The following GSTA4 variants were observed in gnomAD, a reference collection of about 807,000 sequenced individuals.
GSTA4 encodes glutathione S-transferase A4.
A neutral mutation model predicts 24.4 loss-of-function variants in GSTA4; 15 were observed. The observed-to-expected ratio is 0.61, with a 90% CI of 0.41 to 0.95. The LOEUF (loss-of-function observed/expected upper bound fraction) is 0.95, where lower values mean the gene tolerates loss of function less well. Ranked by LOEUF, GSTA4 falls within the 40% of genes least tolerant of loss-of-function variation. The probability of loss-of-function intolerance (pLI) is 0.00; values close to 1 mark genes in which losing one functional copy is unlikely to be tolerated. For missense variants in GSTA4, 244 were observed against 262.1 expected (o/e 0.93, Z 0.48); for synonymous variants, 92 against 94.2 (o/e 0.98, Z 0.13).
At chr6:52,990,101 G>A (rs1268779371) in intron 2 of GSTA4, among the ~76,000 whole-genome samples, 2 of 152,170 alleles carry the variant, frequency 1.3e-5, no homozygotes, top group Non-Finnish European at 2.9e-5. Context: ...ACGTCTCAAA[G>A]GGGATTTGCC....
At chr6:52,985,800 C>CCCTTGGGAGG (rs749458529) in intron 3 of GSTA4, among the ~76,000 whole-genome samples, 1 of 152,176 alleles carries the variant, frequency 6.6e-6, no homozygotes, top group Non-Finnish European at 1.5e-5. Context: ...AGCCTGTAAT[C>CCCTTGGGAGG]CCAGCACTTT....
At position 52,984,501 on chromosome 6, in the gene GSTA4, T is replaced by A; in HGVS notation, c.377A>T (p.Gln126Leu). The change falls in exon 5 of 7, where the codon CAG (glutamine) becomes CTG (leucine). Residue 126 changes from glutamine to leucine, a missense_variant. Transcript: ENST00000370963. ...AGGAAAGTATCTAATTATAGCCTTC[T>A]GGGCCATGTTAACCACTTCCTTTTG... ...DQQKEVVNMA[Q>L]KAIIRYFPVF... 1 of 1,614,008 alleles carries A rather than the reference T, an allele frequency of 6.2e-7. No homozygotes were observed. Among genetic ancestry groups the A allele is most frequent in the Non-Finnish European group, 8.5e-7 (1 of 1,179,874 alleles).
intron 3 of GSTA4, among the ~76,000 whole-genome samples, chr6:52,986,343 T>C (rs1367703045): frequency 1.3e-5 from 2 of 152,230 alleles, no homozygotes; most frequent in Non-Finnish European, 2.9e-5. Flanking sequence ...CAATGCAGAA[T>C]AGAACGATTC....
At chr6:52,984,128 T>C (rs1460857972) in intron 5 of GSTA4, among the ~76,000 whole-genome samples, 1 of 152,228 alleles carries the variant, frequency 6.6e-6, no homozygotes, top group Non-Finnish European at 1.5e-5. Context: ...GTTGAATGAA[T>C]GAATGAGGTA....
rs1484656862 is a variant in GSTA4, at chr6:52,987,641, G to C, written c.88-233C>G. On this transcript the variant is annotated intron_variant, in intron 2 of 6. Transcript: ENST00000370963. ...ATTGGTGCTTACTAGAGGCTGGGAAGTGTAGAGAGGAATGGGATGTGAAAA... is the reference window on the plus strand; with the variant it reads ...ATTGGTGCTTACTAGAGGCTGGGAACTGTAGAGAGGAATGGGATGTGAAAA... 6.8e-6 allele frequency: 3 copies of C among 440,588 alleles called. No individual in the cohort carries two copies. The South Asian group carries it at 9.0e-5, about 13-fold the overall frequency. 27.3% of individuals were successfully genotyped at this position (440,588 alleles called of 1,614,324 possible).
chr6:52,986,017 C>A (rs528044696), intron 3 of GSTA4, among the ~76,000 whole-genome samples: 1 of 151,812 alleles, frequency 6.6e-6, no homozygotes, highest in African/African-American at 2.4e-5. Context: ...CGCCATTGCA[C>A]GCCTGGGCAA....
intron 4 of GSTA4, 130 bp downstream of exon 4, chr6:52,985,320 CT>C: frequency 1.3e-6 from 1 of 744,680 alleles, no homozygotes; most frequent in South Asian, 2.5e-5. Flanking sequence ...TCGTGACCTT[CT>C]TGGGTTTTTG....
At chr6:52,993,729 A>G (rs1158790232) in intron 2 of GSTA4, among the ~76,000 whole-genome samples, 2 of 152,188 alleles carry the variant, frequency 1.3e-5, no homozygotes, top group Non-Finnish European at 2.9e-5. Context: ...AAATTTCCAT[A>G]CTAAGAAGCT....
At position 52,978,206 on chromosome 6, in the gene GSTA4, C is replaced by T. The variant is rs1763381401; in HGVS notation, c.*264G>A. 4 of 393,382 alleles carry T rather than the reference C, an allele frequency of 1.0e-5. No individual in the cohort carries two copies. The South Asian group carries it at 1.2e-4, about 12-fold the overall frequency. The allele number at this position is 393,382 out of a possible 1,614,324, so 24.4% of individuals were successfully genotyped here. The stretch of plus-strand genomic sequence containing the variant: ...TCTTATTATGAGGATGAACTGGCTA[C>T]AGGACATGAGTAGCCCAATCAGATC... On this transcript the variant is annotated 3_prime_UTR_variant, in exon 7 of 7. Transcript: ENST00000370963.
intron 2 of GSTA4, among the ~76,000 whole-genome samples, chr6:52,992,600 T>C (rs868596892): frequency 9.2e-5 from 14 of 152,240 alleles, no homozygotes; most frequent in South Asian, 2.1e-4. Context: ...GTGGCATTCT[T>C]TCCCCAAACC....
In GSTA4 at chr6:52,978,452, A is replaced by C; in HGVS notation, c.*18T>G. 6.2e-7 allele frequency: 1 copy of C among 1,612,106 alleles called. No individual in the cohort carries two copies. The highest frequency in any genetic ancestry group is 1.3e-5 in the African/African-American group (1 of 74,954). On this transcript the variant is annotated 3_prime_UTR_variant, in exon 7 of 7. Coordinates refer to ENST00000370963, the MANE Select transcript of GSTA4 (RefSeq NM_001512.4). ...CATCTCTAGGAACACACTGTCACTC[A>C]CACATGGATGTGTTGTTTTATGGCC...
intron 2 of GSTA4, among the ~76,000 whole-genome samples, chr6:52,991,817 G>A (rs1241416441): frequency 2.0e-5 from 3 of 149,690 alleles, no homozygotes; most frequent in Non-Finnish European, 1.5e-5. Context: ...GAATGCAGTG[G>A]GGCAATCTCG....
intron 2 of GSTA4, chr6:52,993,939 C>G: frequency 3.1e-6 from 2 of 647,498 alleles, no homozygotes; most frequent in South Asian, 1.5e-5. Context: ...AGATCAGAAG[C>G]CAATAATTAA....
chr6:52,978,327 G>T lies in GSTA4; in HGVS notation c.*143C>A. ...AAAGGTTGATATTTCTAGAAGAGAT[G>T]ATCTCGTTGACACAAAAGACCCAAC... On this transcript the variant is annotated 3_prime_UTR_variant, in exon 7 of 7. Coordinates refer to ENST00000370963, the MANE Select transcript of GSTA4 (RefSeq NM_001512.4). 1 of 760,840 alleles carries T rather than the reference G, an allele frequency of 1.3e-6. No homozygotes were observed. Among genetic ancestry groups the T allele is most frequent in the Middle Eastern group, 2.4e-4 (1 of 4,200 alleles). The allele number at this position is 760,840 out of a possible 1,614,324, so 47.1% of individuals were successfully genotyped here.
At chr6:52,993,459 A>G (rs1763702952) in intron 2 of GSTA4, among the ~76,000 whole-genome samples, 1 of 152,250 alleles carries the variant, frequency 6.6e-6, no homozygotes. Flanking sequence ...TGAAGGTTAG[A>G]TGACAAAGAA....
At position 52,984,323 on chromosome 6, in the gene GSTA4, G is replaced by A. The variant is rs573039165; in HGVS notation, c.414+141C>T. Reference sequence around the variant, plus strand: ...CAGCTTTGTGCTGTGGCTACTATTCGCTCTTAGGAGTCCATTAGCGCTTAG... The same window carrying A: ...CAGCTTTGTGCTGTGGCTACTATTCACTCTTAGGAGTCCATTAGCGCTTAG... On this transcript the variant is annotated intron_variant, in intron 5 of 6. Transcript: ENST00000370963. 3.5e-4 allele frequency: 242 copies of A among 701,336 alleles called. 1 individual carries two copies. The South Asian group carries it at 3.7e-3, about 11-fold the overall frequency. The allele number at this position is 701,336 out of a possible 1,614,324, so 43.4% of individuals were successfully genotyped here. A position where few individuals can be genotyped will look rare whatever the true frequency, so the allele number is the denominator to read the frequency against.
intron 2 of GSTA4, chr6:52,987,741 T>C (rs1156259940): frequency 9.8e-6 from 2 of 204,602 alleles, no homozygotes; most frequent in African/African-American, 4.7e-5. Context: ...CAGTAGGCTA[T>C]AGTTAACAAT....
Position 52,978,182 on chromosome 6 carries a change from C to G in GSTA4, c.*288G>C. ...GAGAGAACAAGAGATCCTGCCCATT[C>G]TTATTATGAGGATGAACTGGCTACA... On this transcript the variant is annotated 3_prime_UTR_variant, in exon 7 of 7. Transcript: ENST00000370963. 1 of 331,830 alleles carries G rather than the reference C, an allele frequency of 3.0e-6. No homozygotes were observed. The highest frequency in any genetic ancestry group is 5.4e-6 in the Non-Finnish European group (1 of 184,258). 20.6% of individuals were successfully genotyped at this position (331,830 alleles called of 1,614,324 possible).
intron 6 of GSTA4, among the ~76,000 whole-genome samples, 197 bp downstream of exon 6, chr6:52,982,377 A>T (rs111521565): frequency 4.2e-4 from 64 of 152,188 alleles, no homozygotes; most frequent in African/African-American, 1.5e-3. Context: ...TTACACTTCA[A>T]TGATCTTTCA....
Sources: allele counts gnomAD v4.1 joint callset (sites outside exome capture counted in the v4.1 genomes callset), GRCh38; gene constraint gnomAD v4.1.1; transcripts MANE v1.5; gene names NCBI Gene and HGNC (gene_info 2026-07-23, HGNC 2026-07-21).